The following BICC1 variants were observed in gnomAD, a reference collection of about 807,000 sequenced individuals.
BICC1 encodes the protein BicC family RNA binding protein 1, also known as protein bicaudal C homolog 1.
Under a neutral mutation model 111.0 loss-of-function variants are expected in BICC1, and 43 were observed. The ratio of observed to expected loss-of-function variants is 0.39; its 90% CI spans 0.30 to 0.50. The LOEUF is 0.50. Among genes scored for constraint, BICC1 ranks in the 20% least tolerant of loss-of-function variants. The pLI is 0.88. For synonymous variants in BICC1, 467 were observed against 434.4 expected (o/e 1.07, Z -0.93); for missense variants, 1,091 against 1,203.2 (o/e 0.91, Z 1.38).
At chr10:58,643,206 TGATGATGTCACTCTCAGATCGG>T (rs1380712921) in intron 2 of BICC1, among the ~76,000 whole-genome samples, 4 of 152,196 alleles carry the variant, frequency 2.6e-5, no homozygotes, top group African/African-American at 9.7e-5. Flanking sequence ...GAAGGCTTTG[TGATGATGTCACTCTCAGATCGG>T]GACAGAAGCA....
chr10:58,550,197 A>G (rs1843258733), intron 1 of BICC1, among the ~76,000 whole-genome samples: 1 of 151,850 alleles, frequency 6.6e-6, no homozygotes, highest in African/African-American at 2.4e-5. Flanking sequence ...ATTTTCAAAT[A>G]TTTTTGTAGA....
At chr10:58,688,289 C>A (rs529621447) in intron 2 of BICC1, among the ~76,000 whole-genome samples, 12 of 152,042 alleles carry the variant, frequency 7.9e-5, no homozygotes, top group African/African-American at 2.7e-4. Context: ...TTTCACTGAC[C>A]ACTCATTGGG....
intron 1 of BICC1, among the ~76,000 whole-genome samples, chr10:58,599,890 C>A (rs1002364766): frequency 1.3e-5 from 2 of 151,552 alleles, no homozygotes; most frequent in Non-Finnish European, 2.9e-5. Flanking sequence ...CTCTGACTAA[C>A]ATGATTTTAA....
chr10:58,783,605 A>C (rs934244450), intron 3 of BICC1, among the ~76,000 whole-genome samples: 2 of 63,314 alleles, frequency 3.2e-5, no homozygotes, highest in Admixed American at 4.8e-4. Flanking sequence ...ACTGGTGGTA[A>C]ATTGTGAAAG....
At chr10:58,644,272 C>G (rs1838204069) in intron 2 of BICC1, among the ~76,000 whole-genome samples, 1 of 152,150 alleles carries the variant, frequency 6.6e-6, no homozygotes, top group South Asian at 2.1e-4. Flanking sequence ...AACCGCGTGG[C>G]TTTATTCTTA....
In BICC1 at chr10:58,793,470, G is replaced by T; in HGVS notation, c.1048-14G>T. On this transcript the variant is annotated splice_polypyrimidine_tract_variant and intron_variant, in intron 8 of 20. Transcript: ENST00000373886. ...ATTTTTACCTCCTACACATTCTATT[G>T]TGACATTTTCTAGGGTTGTCTTCCT... 1 of 1,606,026 alleles carries T rather than the reference G, an allele frequency of 6.2e-7. No homozygotes were observed. The highest frequency in any genetic ancestry group is 1.1e-5 in the South Asian group (1 of 89,892).
intron 3 of BICC1, 91 bp from the exon 4 acceptor site, chr10:58,784,910 T>C: frequency 5.5e-6 from 3 of 540,824 alleles, no homozygotes; most frequent in Non-Finnish European, 9.5e-6. Context: ...GAACCTCTTA[T>C]GTTCTAGAGT....
chr10:58,560,967 G>T (rs1843587937), intron 1 of BICC1, among the ~76,000 whole-genome samples: 1 of 151,958 alleles, frequency 6.6e-6, no homozygotes, highest in Admixed American at 6.6e-5. Context: ...GTCTATCCTG[G>T]AGAATTCTCC....
At chr10:58,658,096 G>A (rs1838719021) in intron 2 of BICC1, among the ~76,000 whole-genome samples, 1 of 152,114 alleles carries the variant, frequency 6.6e-6, no homozygotes, top group Admixed American at 6.6e-5. Context: ...TATCCCCTTT[G>A]TAATTAATTA....
At chr10:58,566,264 A>G (rs1843757843) in intron 1 of BICC1, among the ~76,000 whole-genome samples, 1 of 93,330 alleles carries the variant, frequency 1.1e-5, no homozygotes, top group African/African-American at 3.4e-5. Context: ...ACATACGTGC[A>G]TATGTATATA....
chr10:58,697,576 C>A (rs1840100562), intron 2 of BICC1, among the ~76,000 whole-genome samples: 1 of 152,280 alleles, frequency 6.6e-6, no homozygotes, highest in South Asian at 2.1e-4. Flanking sequence ...TCAGCCACAT[C>A]TTCCTAGCCT....
chr10:58,555,230 T>G (rs1843412063), intron 1 of BICC1, among the ~76,000 whole-genome samples: 1 of 151,676 alleles, frequency 6.6e-6, no homozygotes, highest in Non-Finnish European at 1.5e-5. Flanking sequence ...TGTAATGTAC[T>G]CTTTATTCCT....
chr10:58,639,844 C>T (rs1319161744), intron 2 of BICC1, among the ~76,000 whole-genome samples: 1 of 150,654 alleles, frequency 6.6e-6, no homozygotes, highest in African/African-American at 2.4e-5. Flanking sequence ...TCCCGAGTAG[C>T]TGGGACTAAA....
chr10:58,553,192 G>C (rs1843345632), intron 1 of BICC1, among the ~76,000 whole-genome samples: 1 of 152,148 alleles, frequency 6.6e-6, no homozygotes. Flanking sequence ...ACTTGTGACT[G>C]TGTTACCATG....
At chr10:58,646,288 C>T (rs555324182) in intron 2 of BICC1, among the ~76,000 whole-genome samples, 63 of 152,222 alleles carry the variant, frequency 4.1e-4, no homozygotes, top group Middle Eastern at 6.8e-3. Flanking sequence ...GGGCAAAGTG[C>T]TAATAAATAT....
At chr10:58,688,022 C>T (rs116104951) in intron 2 of BICC1, among the ~76,000 whole-genome samples, 2,062 of 152,174 alleles carry the variant, frequency 0.014, 46 homozygotes, top group African/African-American at 0.045. Flanking sequence ...GTGGCGCATA[C>T]GTAGTTGTTT....
intron 3 of BICC1, among the ~76,000 whole-genome samples, chr10:58,739,591 A>G (rs9415581): frequency 0.96 from 145,228 of 152,022 alleles, 69,728 homozygotes; most frequent in Middle Eastern, 1. Flanking sequence ...AACAATTCTT[A>G]CATGGAAGTA....
chr10:58,627,993 C>CTA (rs1192472127), intron 2 of BICC1, among the ~76,000 whole-genome samples: 1 of 151,944 alleles, frequency 6.6e-6, no homozygotes. Flanking sequence ...AAATTGGTTA[C>CTA]TAGATAGGTA....
intron 20 of BICC1, among the ~76,000 whole-genome samples, chr10:58,822,503 G>T (rs1328687667): frequency 1.3e-5 from 2 of 152,018 alleles, no homozygotes; most frequent in African/African-American, 4.8e-5. Flanking sequence ...TCATTCTGTT[G>T]AGGTTATATA....
Sources: gnomAD v4.1 joint callset for allele counts (sites outside exome capture counted in the v4.1 genomes callset) on GRCh38, gnomAD v4.1.1 for gene constraint, MANE v1.5 for transcripts, NCBI Gene and HGNC (gene_info 2026-07-23, HGNC 2026-07-21) for gene names.